The following OSBPL3 variants were observed in gnomAD, a reference collection of about 807,000 sequenced individuals.
OSBPL3 encodes oxysterol-binding protein-related protein 3.
Under a neutral mutation model 120.1 loss-of-function variants are expected in OSBPL3, and 65 were observed. The ratio of observed to expected loss-of-function variants is 0.54; its 90% CI spans 0.44 to 0.67. The LOEUF (loss-of-function observed/expected upper bound fraction) is 0.67, where lower values mean the gene tolerates loss of function less well. OSBPL3 is among the 30% of genes least tolerant of loss of function. The pLI is 0.00. For synonymous variants in OSBPL3, 416 were observed against 402.6 expected (o/e 1.03, Z -0.40); for missense variants, 1,004 against 1,082.1 (o/e 0.93, Z 1.01).
chr7:24,975,681 C>A (rs931331089), intron 1 of OSBPL3, among the ~76,000 whole-genome samples: 6 of 151,926 alleles, frequency 3.9e-5, no homozygotes, highest in Admixed American at 1.3e-4. Context: ...GCACAGGAGG[C>A]AACAGGGTGA....
chr7:24,969,946 C>T (rs1243736072), intron 1 of OSBPL3, among the ~76,000 whole-genome samples: 1 of 152,084 alleles, frequency 6.6e-6, no homozygotes, highest in Non-Finnish European at 1.5e-5. Flanking sequence ...ACCACTTGGG[C>T]CCTAATCTAC....
chr7:24,924,832 T>G (rs570076102), intron 1 of OSBPL3, among the ~76,000 whole-genome samples: 1 of 152,342 alleles, frequency 6.6e-6, no homozygotes, highest in South Asian at 2.1e-4. Flanking sequence ...GACCTATAGC[T>G]GCTCACGGTT....
In OSBPL3 at chr7:24,906,348, G is replaced by A. The variant is rs183707708; in HGVS notation, c.-149-13727C>T. 8 of 237,312 alleles carry A rather than the reference G, an allele frequency of 3.4e-5. No individual in the cohort carries two copies. The East Asian group carries it at 8.3e-4, about 25-fold the overall frequency. 14.7% of individuals were successfully genotyped at this position (237,312 alleles called of 1,614,324 possible). The stretch of plus-strand genomic sequence containing the variant: ...CATCATACCAGGGCAAAGAGGAGCC[G>A]GGAGACTTGCGAGGAGGTGGGATCA... On this transcript the variant is annotated intron_variant, in intron 1 of 22. Coordinates refer to ENST00000313367, the MANE Select transcript of OSBPL3 (RefSeq NM_015550.4).
In OSBPL3 at chr7:24,947,808, A is replaced by ACACACACACACT. The variant is rs909154493; in HGVS notation, c.-150+32077_-150+32078insAGTGTGTGTGTG. Among the ~76,000 whole-genome samples the ACACACACACACT allele has an allele frequency of 4.7e-5, 7 of 147,764 alleles. No homozygotes were observed. The highest frequency in any genetic ancestry group is 1.8e-4 in the African/African-American group (7 of 39,942). The stretch of plus-strand genomic sequence containing the variant: ...CACACACACACACACACACACACAC[A>ACACACACACACT]CTCATTGCATACTACCCATGTGCCA... On this transcript the variant is annotated intron_variant, in intron 1 of 22. Transcript: ENST00000313367. The surrounding 1 kb of genome is among the most constrained non-coding windows in gnomAD (Gnocchi z 4.4).
Position 24,871,792 on chromosome 7 carries a change from ATC to A in OSBPL3, c.215_216del (p.Arg72IlefsTer28). 1 of 1,611,558 alleles carries A rather than the reference ATC, an allele frequency of 6.2e-7. No individual in the cohort carries two copies. On this transcript the variant is annotated frameshift_variant and splice_region_variant, in exon 4 of 23. Coordinates refer to ENST00000313367, the MANE Select transcript of OSBPL3 (RefSeq NM_015550.4). LOFTEE classifies it high-confidence loss of function. The surrounding 1 kb of genome is among the most constrained non-coding windows in gnomAD (Gnocchi z 4.8). ...RKWPLKGWHK[R>X]FFYLDKGILK... ...AAGATTCCTTTGTCCAGATAGAAGA[ATC>A]TCTGTGGGGAAGAAAGTATTATTAA...
chr7:24,979,994 C>T lies in OSBPL3; in HGVS notation c.-258G>A, dbSNP rs1276027588. On this transcript the variant is annotated 5_prime_UTR_variant, in exon 1 of 23. Transcript: ENST00000313367. ...CCCGGCTTCTCCGGTACCCCCGCAA[C>T]GTGCAGCTGACAGCTCCCGCACCGG... The T allele has an allele frequency of 4.1e-6, 4 of 985,442 alleles. No homozygotes were observed. The highest frequency in any genetic ancestry group is 4.8e-6 in the Non-Finnish European group (4 of 829,978). 61.0% of individuals were successfully genotyped at this position (985,442 alleles called of 1,614,324 possible).
chr7:24,825,153 G>T (rs780899527), intron 16 of OSBPL3, among the ~76,000 whole-genome samples: 44 of 152,186 alleles, frequency 2.9e-4, no homozygotes, highest in Non-Finnish European at 5.7e-4. Flanking sequence ...TGGGGCTGCT[G>T]GATAAGGAAT....
rs568284037 is a variant in OSBPL3, at chr7:24,964,035, C to T, written c.-150+15851G>A. Among the ~76,000 whole-genome samples, 1 of 152,176 alleles carries T rather than the reference C, an allele frequency of 6.6e-6. No homozygotes were observed. Among genetic ancestry groups the T allele is most frequent in the African/African-American group, 2.4e-5 (1 of 41,502 alleles). ...CTAATAGCTAAAGCTGGACGAACTT[C>T]AGAAACAAAATAAAGTACTACTAAA... On this transcript the variant is annotated intron_variant, in intron 1 of 22. Transcript: ENST00000313367. This position sits in a 1 kb window ranked among gnomAD's most constrained non-coding sequence, Gnocchi z 4.2.
In OSBPL3 at chr7:24,964,399, T is replaced by C. The variant is rs1465481222; in HGVS notation, c.-150+15487A>G. Among the ~76,000 whole-genome samples, 2 of 152,244 alleles carry C rather than the reference T, an allele frequency of 1.3e-5. No individual in the cohort carries two copies. The highest frequency in any genetic ancestry group is 2.4e-5 in the African/African-American group (1 of 41,456). ...GCTAACATATACTCTTGATATGATGTAATGAGAATGGCATTTTACCTCTGT... is the reference window on the plus strand; with the variant it reads ...GCTAACATATACTCTTGATATGATGCAATGAGAATGGCATTTTACCTCTGT... On this transcript the variant is annotated intron_variant, in intron 1 of 22. Transcript: ENST00000313367. This position sits in a 1 kb window ranked among gnomAD's most constrained non-coding sequence, Gnocchi z 4.2.
In OSBPL3 at chr7:24,955,635, G is replaced by A. The variant is rs1051313133; in HGVS notation, c.-150+24251C>T. Among the ~76,000 whole-genome samples, 1 of 152,166 alleles carries A rather than the reference G, an allele frequency of 6.6e-6. No homozygotes were observed. The highest frequency in any genetic ancestry group is 1.5e-5 in the Non-Finnish European group (1 of 68,032). On this transcript the variant is annotated intron_variant, in intron 1 of 22. Transcript: ENST00000313367. This position sits in a 1 kb window ranked among gnomAD's most constrained non-coding sequence, Gnocchi z 4.3. ...GGCCATTTCTATGTAAAATCAAACA[G>A]CAGCACCCCTGTCCCCTATACACTC... is the stretch of plus-strand genomic sequence containing the variant.
Position 24,819,251 on chromosome 7 carries a change from CAAA to C in OSBPL3, c.1948+921_1948+923del, listed in dbSNP as rs143386888. Among the ~76,000 whole-genome samples the C allele has an allele frequency of 9.2e-6, 1 of 109,044 alleles. No individual in the cohort carries two copies. The highest frequency in any genetic ancestry group is 2.0e-5 in the Non-Finnish European group (1 of 50,702). The allele number at this position is 109,044 out of a possible 152,430, so 71.5% of individuals were successfully genotyped here. On this transcript the variant is annotated intron_variant, in intron 17 of 22. Coordinates refer to ENST00000313367, the MANE Select transcript of OSBPL3 (RefSeq NM_015550.4). This position sits in a 1 kb window ranked among gnomAD's most constrained non-coding sequence, Gnocchi z 4.1. ...CTAGCAACAGACTGAGACTCCATTT[CAAA>C]AAAAAAAAAAAAAAATCCAACTTTT...
At chr7:24,979,707 G>A (rs893392426) in intron 1 of OSBPL3, among the ~76,000 whole-genome samples, 179 bp downstream of exon 1, 12 of 152,148 alleles carry the variant, frequency 7.9e-5, no homozygotes, top group Non-Finnish European at 1.5e-4. Context: ...AGCTGCAGCC[G>A]GCACCCAAGC....
rs1022525351 is a variant in OSBPL3, at chr7:24,854,356, A to G, written c.1028-1722T>C. ...CTATTTAGTAACACAGAAACTAAAT[A>G]GGCATTATTGACTTACTTCATTTAA... On this transcript the variant is annotated intron_variant, in intron 10 of 22. Transcript: ENST00000313367. The surrounding 1 kb of genome is among the most constrained non-coding windows in gnomAD (Gnocchi z 4.1). Among the ~76,000 whole-genome samples the G allele has an allele frequency of 7.2e-5, 11 of 152,202 alleles. No homozygotes were observed. The highest frequency in any genetic ancestry group is 2.7e-4 in the African/African-American group (11 of 41,448).
At chr7:24,904,583 G>C (rs574538906) in intron 1 of OSBPL3, among the ~76,000 whole-genome samples, 98 of 152,256 alleles carry the variant, frequency 6.4e-4, no homozygotes, top group African/African-American at 2.3e-3. Context: ...TCAGGAACCT[G>C]AACATCCATG....
intron 1 of OSBPL3, among the ~76,000 whole-genome samples, chr7:24,904,941 G>GTA (rs1455562630): frequency 3.3e-5 from 5 of 151,176 alleles, no homozygotes; most frequent in Non-Finnish European, 7.4e-5. Context: ...GTGTGTGTGT[G>GTA]TGTGTGTGTG....
At chr7:24,971,327 AT>A (rs1816999677) in intron 1 of OSBPL3, among the ~76,000 whole-genome samples, 1 of 152,242 alleles carries the variant, frequency 6.6e-6, no homozygotes, top group Non-Finnish European at 1.5e-5. Context: ...ACAGAAAACA[AT>A]TTGGTAAATG....
intron 1 of OSBPL3, among the ~76,000 whole-genome samples, chr7:24,907,778 A>G (rs1029087935): frequency 1.6e-4 from 25 of 152,182 alleles, no homozygotes. Context: ...ACCTGAAAGT[A>G]TTAGTCACGT....
At chr7:24,971,555 G>A (rs969644532) in intron 1 of OSBPL3, among the ~76,000 whole-genome samples, 1 of 152,174 alleles carries the variant, frequency 6.6e-6, no homozygotes, top group African/African-American at 2.4e-5. Context: ...GGCTCACAGG[G>A]CCACAGCTGA....
At position 24,820,481 on chromosome 7, in the gene OSBPL3, G is replaced by A. The variant is rs930665781; in HGVS notation, c.1885-243C>T. Among the ~76,000 whole-genome samples, 3 of 152,150 alleles carry A rather than the reference G, an allele frequency of 2.0e-5. No homozygotes were observed. The highest frequency in any genetic ancestry group is 4.8e-5 in the African/African-American group (2 of 41,422). On this transcript the variant is annotated intron_variant, in intron 16 of 22. Coordinates refer to ENST00000313367, the MANE Select transcript of OSBPL3 (RefSeq NM_015550.4). The surrounding 1 kb of genome is among the most constrained non-coding windows in gnomAD (Gnocchi z 4.6). ...TGAACGGAAGCCTCCAGAAGCCTCC[G>A]TGGGAGGGCGGCCAGGTGGCGAGTG...
Sources: allele counts gnomAD v4.1 joint callset (sites outside exome capture counted in the v4.1 genomes callset), GRCh38; gene constraint gnomAD v4.1.1; non-coding constraint Gnocchi (gnomAD v3.1); transcripts MANE v1.5; gene names NCBI Gene and HGNC (gene_info 2026-07-23, HGNC 2026-07-21).